Variants in SIK3 observed in about 807,000 individuals in gnomAD.
SIK3 encodes SIK family kinase 3, also known as serine/threonine-protein kinase SIK3.
Under a neutral mutation model 144.2 loss-of-function variants are expected in SIK3, and 28 were observed. The observed-to-expected ratio is 0.19, with a 90% CI of 0.14 to 0.27. The LOEUF is 0.27. Ranked by LOEUF, SIK3 falls within the 10% of genes least tolerant of loss-of-function variation. SIK3 has a pLI of 1.00. For missense variants in SIK3, 1,319 were observed against 1,776.0 expected (o/e 0.74, Z 4.62); for synonymous variants, 686 against 676.3 (o/e 1.01, Z -0.22).
At chr11:117,039,376 T>G (rs745609801) in intron 1 of SIK3, among the ~76,000 whole-genome samples, 1 of 152,180 alleles carries the variant, frequency 6.6e-6, no homozygotes, top group African/African-American at 2.4e-5. Context: ...CAGCCTCCCA[T>G]AGTGCTGGGA....
intron 3 of SIK3, among the ~76,000 whole-genome samples, chr11:116,945,502 G>C (rs1321136646): frequency 6.6e-6 from 1 of 150,888 alleles, no homozygotes; most frequent in African/African-American, 2.4e-5. Flanking sequence ...TGGGATTAGA[G>C]GTATGATCCA....
intron 1 of SIK3, among the ~76,000 whole-genome samples, chr11:117,093,116 A>G (rs980906651): frequency 6.6e-6 from 1 of 152,232 alleles, no homozygotes; most frequent in Non-Finnish European, 1.5e-5. Flanking sequence ...TTGTCTAGGG[A>G]TGGGGCTATC....
At chr11:116,890,477 G>A (rs1270906640) in intron 6 of SIK3, among the ~76,000 whole-genome samples, 1 of 152,206 alleles carries the variant, frequency 6.6e-6, no homozygotes, top group Non-Finnish European at 1.5e-5. Context: ...TTCTGATTCA[G>A]ATTTCATATT....
intron 1 of SIK3, among the ~76,000 whole-genome samples, chr11:117,092,003 G>T (rs112102317): frequency 2.6e-5 from 4 of 152,038 alleles, no homozygotes; most frequent in Non-Finnish European, 5.9e-5. Context: ...GGCTGGTCTT[G>T]AACTCCTGGC....
intron 1 of SIK3, among the ~76,000 whole-genome samples, chr11:117,064,619 C>G (rs118186426): frequency 1.5e-3 from 228 of 152,282 alleles, no homozygotes; most frequent in Non-Finnish European, 2.6e-3. Flanking sequence ...CTGCCTAGAT[C>G]TTGATTTTTC....
At chr11:117,007,325 C>T (rs1381768377) in intron 1 of SIK3, among the ~76,000 whole-genome samples, 3 of 152,110 alleles carry the variant, frequency 2.0e-5, no homozygotes, top group African/African-American at 4.8e-5. Context: ...TTGCAGTGAG[C>T]GAAGATCACG....
chr11:116,954,564 C>CT (rs1246008781), intron 2 of SIK3, among the ~76,000 whole-genome samples: 3 of 151,372 alleles, frequency 2.0e-5, no homozygotes, highest in Non-Finnish European at 2.9e-5. Flanking sequence ...ATATGTCTTT[C>CT]TTTTTTTTAT....
At chr11:116,960,830 T>C (rs1017192159) in intron 1 of SIK3, among the ~76,000 whole-genome samples, 2 of 152,238 alleles carry the variant, frequency 1.3e-5, no homozygotes, top group Non-Finnish European at 2.9e-5. Context: ...AGTGCTGTTG[T>C]TATTTTATTT....
intron 3 of SIK3, among the ~76,000 whole-genome samples, chr11:116,937,187 T>C (rs1452235162): frequency 6.6e-6 from 1 of 152,188 alleles, no homozygotes; most frequent in Non-Finnish European, 1.5e-5. Flanking sequence ...TAGAAAAATA[T>C]GTAGAGTGTG....
At chr11:116,895,319 T>G (rs1265805351) in intron 6 of SIK3, among the ~76,000 whole-genome samples, 1 of 152,220 alleles carries the variant, frequency 6.6e-6, no homozygotes, top group African/African-American at 2.4e-5. Context: ...CAGGCTTTGC[T>G]GAAAGGTCCC....
intron 1 of SIK3, among the ~76,000 whole-genome samples, chr11:116,975,508 C>T (rs903547051): frequency 6.6e-6 from 1 of 152,168 alleles, no homozygotes; most frequent in Admixed American, 6.5e-5. Flanking sequence ...ATAATGTTTT[C>T]AAGGGGCATT....
chr11:116,909,360 AC>A (rs1027862261), intron 4 of SIK3, among the ~76,000 whole-genome samples: 1 of 152,070 alleles, frequency 6.6e-6, no homozygotes, highest in African/African-American at 2.4e-5. Flanking sequence ...TAAGTGATTA[AC>A]ACAAAAGTAC....
chr11:117,024,764 G>A (rs1223464195), intron 1 of SIK3, among the ~76,000 whole-genome samples: 1 of 152,080 alleles, frequency 6.6e-6, no homozygotes, highest in African/African-American at 2.4e-5. Context: ...ACCCAGGCGT[G>A]GTGGCATGTG....
At position 116,947,157 on chromosome 11, in the gene SIK3, AT is replaced by A. The variant is rs1565486818; in HGVS notation, c.454+6886del. 1.2e-4 allele frequency among the ~76,000 whole-genome samples: 16 copies of A among 138,422 alleles called. 1 individual carries two copies. The highest frequency in any genetic ancestry group is 2.2e-4 in the African/African-American group (8 of 36,432). 90.8% of individuals were successfully genotyped at this position (138,422 alleles called of 152,430 possible). On this transcript the variant is annotated intron_variant, in intron 3 of 24. Coordinates refer to ENST00000445177, the MANE Select transcript of SIK3 (RefSeq NM_001366686.3). ...ATAAATTATTATTTATATATAATAT[AT>A]TATATATAAATTATTATTTATATAT...
intron 6 of SIK3, among the ~76,000 whole-genome samples, chr11:116,891,318 A>G (rs1278840994): frequency 6.6e-6 from 1 of 152,138 alleles, no homozygotes; most frequent in African/African-American, 2.4e-5. Flanking sequence ...CTCCGTCTCA[A>G]AAAAAAGTCT....
chr11:117,040,707 G>T (rs74603899), intron 1 of SIK3, among the ~76,000 whole-genome samples: 10,619 of 152,150 alleles, frequency 0.07, 649 homozygotes, highest in African/African-American at 0.16. Context: ...ACTTACCATG[G>T]AAGACTGGTG....
chr11:116,955,950 G>A (rs781272980), intron 2 of SIK3, among the ~76,000 whole-genome samples: 4 of 150,094 alleles, frequency 2.7e-5, no homozygotes, highest in Non-Finnish European at 5.9e-5. Flanking sequence ...ACGAAAGCTT[G>A]CCCATAGAGC....
intron 4 of SIK3, among the ~76,000 whole-genome samples, chr11:116,900,324 C>A (rs1345285830): frequency 6.6e-6 from 1 of 152,098 alleles, no homozygotes; most frequent in East Asian, 1.9e-4. Flanking sequence ...CTTGACTCCA[C>A]CTCCTCTTTT....
intron 1 of SIK3, among the ~76,000 whole-genome samples, chr11:117,037,408 A>T (rs1444861081): frequency 6.6e-6 from 1 of 152,188 alleles, no homozygotes; most frequent in Non-Finnish European, 1.5e-5. Context: ...AAAGTCAACT[A>T]CAAGAGATAT....
Sources: gnomAD v4.1 joint callset for allele counts (sites outside exome capture counted in the v4.1 genomes callset) on GRCh38, gnomAD v4.1.1 for gene constraint, MANE v1.5 for transcripts, NCBI Gene and HGNC (gene_info 2026-07-23, HGNC 2026-07-21) for gene names.